The following FANCD2 variants were observed in gnomAD, a reference collection of about 807,000 sequenced individuals.
The protein encoded by FANCD2 is Fanconi anemia group D2 protein.
In FANCD2, 131 loss-of-function variants were observed where a neutral mutation model predicts 192.3. The observed-to-expected ratio is 0.68, with a 90% confidence interval of 0.59 to 0.79. FANCD2 has a LOEUF of 0.79. FANCD2 is among the 30% of genes least tolerant of loss of function. The probability of loss-of-function intolerance (pLI) is 0.00; values close to 1 mark genes in which losing one functional copy is unlikely to be tolerated. For missense variants in FANCD2, 1,508 were observed against 1,701.6 expected, an observed-to-expected ratio of 0.89 and a Z score of 2.00; for synonymous variants, 524 against 612.5, an observed-to-expected ratio of 0.86 and a Z score of 2.13.
In FANCD2 at chr3:10,046,620, A is replaced by G. The variant is rs761842101; in HGVS notation, c.1175A>G (p.Asn392Ser). The G allele has an allele frequency of 5.6e-6, 9 of 1,614,158 alleles. No individual in the cohort carries two copies. The South Asian group carries it at 8.8e-5, about 16-fold the overall frequency. The change falls in exon 15 of 44, where the codon AAT becomes AGT. Residue 392 changes from asparagine to serine, a missense_variant. Around this residue, in one of 5 missense-constraint regions of FANCD2, gnomAD observed 108 missense variants for 174.1 expected, o/e 0.62. Transcript: ENST00000675286. ...ATGCTTTTCATCATCTATAGCACCA[A>G]TACTCAGACAAAGAAGTACATTGAC... is the stretch of plus-strand genomic sequence containing the variant. The part of the protein sequence containing the change: ...LVMLFIIYST[N>S]TQTKKYIDRV...
Position 10,093,295 on chromosome 3 carries a change from G to C in FANCD2, c.3860G>C (p.Ser1287Thr), listed in dbSNP as rs1206331515. The change falls in exon 39 of 44, where the codon AGT becomes ACT. Residue 1287 changes from serine to threonine, a missense_variant. By Grantham distance (58) the Ser-to-Thr change is moderately conservative. This residue lies in a region of FANCD2 where 796 missense variants were observed against 879.4 expected (regional missense o/e 0.91). Transcript: ENST00000675286. ...ILINLIKVFD[S>T]HPVLHVCLKY... ...CTTTCACCTCTCCAGGTATTTGATA[G>C]TCATCCTGTTCTGCATGTATGTTTG... 3.1e-6 allele frequency: 5 copies of C among 1,613,598 alleles called. No individual in the cohort carries two copies. Among genetic ancestry groups the C allele is most frequent in the Middle Eastern group, 1.7e-4 (1 of 6,060 alleles).
rs1221930544 is a variant in FANCD2 at position 10,034,508 on chromosome 3, C to T, written c.245C>T (p.Thr82Ile). The T allele has an allele frequency of 1.9e-6, 3 of 1,612,726 alleles. No homozygotes were observed. The African/African-American group carries it at 4.0e-5, about 22-fold the overall frequency. ...GCTTTCCAAAAGAAGCTCTTTCAGA[C>T]CCTGAGGAGACACCCTTCCTATCCC... ...QIAFQKKLFQ[T>I]LRRHPSYPKI... The change falls in exon 4 of 44, where the codon ACC (threonine) becomes ATC (isoleucine). Residue 82 changes from threonine (T) to isoleucine (I), a missense_variant. Transcript: ENST00000675286.
At chr3:10,093,508 T>C (rs183652685) in intron 39 of FANCD2, among the ~76,000 whole-genome samples, 185 bp downstream of exon 39, 1 of 152,232 alleles carries the variant, frequency 6.6e-6, no homozygotes, top group Admixed American at 6.5e-5. Flanking sequence ...GAAGCCAGTT[T>C]TCCTATGAAT....
At chr3:10,057,371 CTT>C (rs1186883895) in intron 18 of FANCD2, among the ~76,000 whole-genome samples, 1 of 141,838 alleles carries the variant, frequency 7.1e-6, no homozygotes. Context: ...TTCTTTCTTT[CTT>C]TTTTTTTTTT....
Position 10,060,328 on chromosome 3 carries a change from C to T in FANCD2, c.1691C>T (p.Ser564Phe). 10 of 1,612,992 alleles carry T rather than the reference C, an allele frequency of 6.2e-6. No individual in the cohort carries two copies. The highest frequency in any genetic ancestry group is 8.5e-6 in the Non-Finnish European group (10 of 1,179,952). Reference sequence around the variant, plus strand: ...CACTTGGTGATAAGAAAGCAGCTCTCTAGCACCGTATTCAAGTACAAGCTC... The same window carrying T: ...CACTTGGTGATAAGAAAGCAGCTCTTTAGCACCGTATTCAAGTACAAGCTC... Reference protein sequence around the residue: ...DMHLVIRKQLSSTVFKYKLIG... With the variant: ...DMHLVIRKQLFSTVFKYKLIG... The change falls in exon 19 of 44, where the codon TCT (serine) becomes TTT (phenylalanine). Residue 564 changes from serine to phenylalanine, a missense_variant. Around this residue, in one of 5 missense-constraint regions of FANCD2, gnomAD observed 110 missense variants for 114.4 expected, o/e 0.96. Transcript: ENST00000675286.
intron 3 of FANCD2, among the ~76,000 whole-genome samples, chr3:10,033,490 A>G (rs1323836293): frequency 1.3e-5 from 2 of 152,050 alleles, no homozygotes; most frequent in Non-Finnish European, 1.5e-5. Flanking sequence ...CTTTTATTAG[A>G]AAAAATATTA....
At position 10,086,058 on chromosome 3, in the gene FANCD2, TGA is replaced by T. The variant is rs1229587729; in HGVS notation, c.3335+138_3335+139del. On this transcript the variant is annotated intron_variant, in intron 33 of 43. Coordinates refer to ENST00000675286, the MANE Select transcript of FANCD2 (RefSeq NM_001018115.3). Reference sequence around the variant, plus strand: ...TATTTTCAGCTACTCTCCTCATATATGAGCTTTCTCATCTATGTATTCTGATA... The same window carrying T: ...TATTTTCAGCTACTCTCCTCATATATGCTTTCTCATCTATGTATTCTGATA... 2.6e-5 allele frequency: 18 copies of T among 696,246 alleles called. No individual in the cohort carries two copies. The South Asian group carries it at 2.7e-4, about 10-fold the overall frequency. 43.1% of individuals were successfully genotyped at this position (696,246 alleles called of 1,614,324 possible).
chr3:10,054,212 A>T (rs34847112), intron 18 of FANCD2, among the ~76,000 whole-genome samples: 1 of 150,930 alleles, frequency 6.6e-6, no homozygotes, highest in Non-Finnish European at 1.5e-5. Flanking sequence ...ACTCTATCTC[A>T]AAATAAATAA....
chr3:10,079,785 C>T (rs760271214), intron 30 of FANCD2, among the ~76,000 whole-genome samples: 7 of 152,190 alleles, frequency 4.6e-5, no homozygotes, highest in Admixed American at 1.3e-4. Context: ...AGTGTACAAA[C>T]GTGCACCTAG....
chr3:10,100,064 T>C (rs1695211293), intron 43 of FANCD2, among the ~76,000 whole-genome samples: 1 of 151,988 alleles, frequency 6.6e-6, no homozygotes, highest in Admixed American at 6.6e-5. Flanking sequence ...GACGCATGCC[T>C]GTGGTCCCTG....
chr3:10,099,959 G>A (rs1205409143), intron 43 of FANCD2, among the ~76,000 whole-genome samples: 1 of 152,128 alleles, frequency 6.6e-6, no homozygotes, highest in African/African-American at 2.4e-5. Context: ...ACTTTGTGAG[G>A]CTGAGGTGGG....
rs775100997 is a variant in FANCD2 at position 10,065,998 on chromosome 3, A to T, written c.2385+19A>T. ...CCGAGAGGTGAGCAGAGTTAATAGG[A>T]TGTTTCACTTATTGTGCATAGTTTT... On this transcript the variant is annotated intron_variant, in intron 25 of 43. Transcript: ENST00000675286. The T allele has an allele frequency of 2.1e-6, 3 of 1,426,128 alleles. No homozygotes were observed. In the East Asian group the frequency reaches 6.8e-5, roughly 32 times the overall value. 88.3% of individuals were successfully genotyped at this position (1,426,128 alleles called of 1,614,324 possible).
At chr3:10,072,342 G>A (rs61692836) in intron 26 of FANCD2, among the ~76,000 whole-genome samples, 5,211 of 147,738 alleles carry the variant, frequency 0.035, 126 homozygotes, top group African/African-American at 0.06. Context: ...GTGGTGGTGC[G>A]ATCTCTGCTT....
rs2125072527 is a variant in FANCD2, at chr3:10,087,183, C to T, written c.3385C>T (p.Gln1129Ter). The change falls in exon 34 of 44, where the codon CAG becomes TAG. Residue 1129 changes from glutamine to a stop codon, truncating the protein, a stop_gained. Transcript: ENST00000675286. LOFTEE classifies it high-confidence loss of function. ...TTTCCATCAAAGCATTCCCAGTTTC[C>T]AGTGTGCTCTTTATCTCATCAGACT... ...QNFHQSIPSF[Q>*]CALYLIRLLM... 1.2e-6 allele frequency: 2 copies of T among 1,613,872 alleles called. No individual in the cohort carries two copies. Among genetic ancestry groups the T allele is most frequent in the Non-Finnish European group, 1.7e-6 (2 of 1,179,914 alleles).
At chr3:10,059,834 A>G (rs555746907) in intron 18 of FANCD2, among the ~76,000 whole-genome samples, 39 of 151,770 alleles carry the variant, frequency 2.6e-4, no homozygotes, top group Non-Finnish European at 4.7e-4. Context: ...TCCCCATTTC[A>G]CAGATGTAAA....
intron 29 of FANCD2, 54 bp from the exon 30 acceptor site, chr3:10,078,027 T>G: frequency 8.0e-7 from 1 of 1,255,452 alleles, no homozygotes; most frequent in Non-Finnish European, 1.2e-6. Context: ...GAAAAAAAAT[T>G]ATCATGAAAT....
In FANCD2 at chr3:10,064,889, T is replaced by G; in HGVS notation, c.2168+14T>G. 1 of 1,613,564 alleles carries G rather than the reference T, an allele frequency of 6.2e-7. No homozygotes were observed. The highest frequency in any genetic ancestry group is 8.5e-7 in the Non-Finnish European group (1 of 1,179,520). On this transcript the variant is annotated intron_variant, in intron 23 of 43. Transcript: ENST00000675286. ...ATCAGGCCAAAAGTCAGTATAGTTT[T>G]TCTTTTCTAAACCTGTTAGTGTTTT... is the stretch of plus-strand genomic sequence containing the variant.
intron 18 of FANCD2, among the ~76,000 whole-genome samples, chr3:10,056,935 A>T (rs1444162515): frequency 1.3e-5 from 2 of 150,824 alleles, no homozygotes; most frequent in East Asian, 3.9e-4. Flanking sequence ...GCTTACTGCA[A>T]CCTCCACCTC....
At chr3:10,062,237 T>C (rs777250911) in intron 20 of FANCD2, 26 bp downstream of exon 20, 1 of 1,599,646 alleles carries the variant, frequency 6.3e-7, no homozygotes, top group South Asian at 1.1e-5. Flanking sequence ...CCTTTCTTTC[T>C]TTTTCCTGTC....
Sources: gnomAD v4.1 joint callset for allele counts (sites outside exome capture counted in the v4.1 genomes callset) on GRCh38, gnomAD v4.1.1 for gene constraint, gnomAD v4.1.1 regional missense constraint, MANE v1.5 for transcripts, NCBI Gene and HGNC (gene_info 2026-07-23, HGNC 2026-07-21) for gene names.